XKR9: variants seen among roughly 807,000 people sequenced by gnomAD.
The protein encoded by XKR9 is XK related 9.
XKR9 carries 32 observed loss-of-function variants against 32.0 expected under a neutral mutation model. The observed-to-expected ratio is 1.00, with a 90% CI of 0.76 to 1.34. XKR9 has a LOEUF of 1.34. XKR9 is among the 40% of genes most tolerant of loss of function. The pLI is 0.00. For missense variants in XKR9, 546 were observed against 429.7 expected (o/e 1.27, Z -2.39); for synonymous variants, 168 against 143.4 (o/e 1.17, Z -1.22).
At chr8:71,033,558 T>G in the XKR9 span, among the ~76,000 whole-genome samples, 1 of 152,118 alleles carries the variant, frequency 6.6e-6, no homozygotes, top group Non-Finnish European at 1.5e-5. Context: ...GGGGCTTAGT[T>G]GCGGGGTGTT....
At chr8:71,001,626 A>G in the XKR9 span, among the ~76,000 whole-genome samples, 55 of 152,156 alleles carry the variant, frequency 3.6e-4, no homozygotes, top group Non-Finnish European at 7.2e-4. Context: ...TGCTTACTCA[A>G]GTGAATCTAC....
the XKR9 span, among the ~76,000 whole-genome samples, chr8:71,059,752 T>A: frequency 2.6e-5 from 4 of 152,144 alleles, no homozygotes; most frequent in Admixed American, 2.6e-4. Context: ...AAAAGACCAG[T>A]CCAGCACCTC....
intron 2 of XKR9, among the ~76,000 whole-genome samples, chr8:70,774,868 T>A (rs1807498582): frequency 6.6e-6 from 1 of 152,172 alleles, no homozygotes; most frequent in Non-Finnish European, 1.5e-5. Context: ...GTTATATGTC[T>A]CTTTTATTTC....
chr8:70,980,085 T>G, the XKR9 span, among the ~76,000 whole-genome samples: 1 of 152,216 alleles, frequency 6.6e-6, no homozygotes, highest in Admixed American at 6.5e-5. Context: ...GGATATAATC[T>G]CCTAGTGTGC....
At chr8:70,684,731 AAC>A (rs1819202244) in intron 3 of XKR9, among the ~76,000 whole-genome samples, 1 of 146,676 alleles carries the variant, frequency 6.8e-6, no homozygotes, top group Admixed American at 6.8e-5. Context: ...GCAGCCAAAA[AAC>A]ACATGAAAAA....
chr8:70,814,390 T>G, the XKR9 span, among the ~76,000 whole-genome samples: 1 of 151,948 alleles, frequency 6.6e-6, no homozygotes, highest in South Asian at 2.1e-4. Flanking sequence ...CATGTATACA[T>G]ATGTAACAAA....
the XKR9 span, among the ~76,000 whole-genome samples, chr8:70,970,565 G>A: frequency 3.3e-5 from 5 of 152,024 alleles, no homozygotes; most frequent in East Asian, 1.9e-4. Context: ...GAGAACATAC[G>A]GTGTTTGGTT....
chr8:71,002,972 G>A, the XKR9 span, among the ~76,000 whole-genome samples: 2 of 152,226 alleles, frequency 1.3e-5, no homozygotes, highest in African/African-American at 4.8e-5. Flanking sequence ...CAGGCTGTGA[G>A]GAGATGACAT....
the XKR9 span, among the ~76,000 whole-genome samples, chr8:70,798,891 C>A: frequency 3.9e-5 from 6 of 152,124 alleles, no homozygotes; most frequent in African/African-American, 1.2e-4. Flanking sequence ...TTCTCTATTT[C>A]TGTTCCACTG....
chr8:70,899,429 A>C, the XKR9 span, among the ~76,000 whole-genome samples: 1 of 138,320 alleles, frequency 7.2e-6, no homozygotes, highest in African/African-American at 2.7e-5. Context: ...CCAGGAAGAC[A>C]GTTTTTTTTT....
the XKR9 span, among the ~76,000 whole-genome samples, chr8:70,856,251 C>CA: frequency 6.6e-6 from 1 of 152,104 alleles, no homozygotes; most frequent in Non-Finnish European, 1.5e-5. Flanking sequence ...TGCAGAGACA[C>CA]ACATAGGCTC....
chr8:70,709,900 T>G (rs1269236410), intron 4 of XKR9, among the ~76,000 whole-genome samples: 1 of 152,072 alleles, frequency 6.6e-6, no homozygotes, highest in Non-Finnish European at 1.5e-5. Context: ...GATTCAGTGC[T>G]GTTCCTATCA....
rs145260213 is a variant in XKR9 at position 70,716,929 on chromosome 8, T to TA, written c.493+9777dup. Among the ~76,000 whole-genome samples, 379 of 152,254 alleles carry TA rather than the reference T, an allele frequency of 2.5e-3. 11 individuals are homozygous for TA. The East Asian group carries it at 0.068, about 27-fold the overall frequency. On this transcript the variant is annotated intron_variant, in intron 4 of 4. Coordinates refer to ENST00000408926, the MANE Select transcript of XKR9 (RefSeq NM_001011720.2). The stretch of plus-strand genomic sequence containing the variant: ...AATGTGGGTATAGGCATTGAGTAAA[T>TA]ACACCCATTCCAAATGGGAGAATTT...
chr8:71,017,187 A>G, the XKR9 span, among the ~76,000 whole-genome samples: 1 of 152,190 alleles, frequency 6.6e-6, no homozygotes, highest in Non-Finnish European at 1.5e-5. Context: ...AGGGAGTGGG[A>G]ATGGTCAGCA....
the XKR9 span, among the ~76,000 whole-genome samples, chr8:70,866,890 C>G: frequency 6.6e-5 from 10 of 152,176 alleles, no homozygotes; most frequent in Non-Finnish European, 1.5e-4. Flanking sequence ...CTTACAACAT[C>G]TCTGTAATGT....
the XKR9 span, among the ~76,000 whole-genome samples, chr8:70,848,589 G>A: frequency 4.6e-5 from 7 of 151,806 alleles, no homozygotes; most frequent in African/African-American, 7.3e-5. Context: ...ATACAGTAAA[G>A]TTACAAAATA....
chr8:70,674,667 G>C (rs1185664448), intron 1 of XKR9, among the ~76,000 whole-genome samples, 151 bp from the exon 2 acceptor site: 1 of 152,206 alleles, frequency 6.6e-6, no homozygotes, highest in African/African-American at 2.4e-5. Context: ...CTCTCAATGA[G>C]ATAGTTATAA....
the XKR9 span, among the ~76,000 whole-genome samples, chr8:70,859,500 A>G: frequency 6.6e-6 from 1 of 152,180 alleles, no homozygotes; most frequent in African/African-American, 2.4e-5. Flanking sequence ...CTAGGCATTT[A>G]TTTAAAGGAA....
the XKR9 span, among the ~76,000 whole-genome samples, chr8:71,009,648 T>C: frequency 6.6e-6 from 1 of 152,258 alleles, no homozygotes; most frequent in East Asian, 1.9e-4. Flanking sequence ...AGTGGGGAGC[T>C]GAGGGGATGG....
Sources: gnomAD v4.1 joint callset for allele counts (sites outside exome capture counted in the v4.1 genomes callset) on GRCh38, gnomAD v4.1.1 for gene constraint, MANE v1.5 for transcripts, NCBI Gene and HGNC (gene_info 2026-07-23, HGNC 2026-07-21) for gene names.